Variants in MGST1 observed in about 807,000 individuals in gnomAD.
MGST1 encodes the protein glutathione S-transferase 12.
Under a neutral mutation model 8.9 loss-of-function variants are expected in MGST1, and 5 were observed. The observed-to-expected ratio is 0.56, with a 90% CI of 0.29 to 1.19. The LOEUF is 1.19. Among genes scored for constraint, MGST1 ranks in the 50% most tolerant of loss-of-function variants. MGST1 has a pLI of 0.08. For missense variants in MGST1, 182 were observed against 187.4 expected (o/e 0.97, Z 0.17); for synonymous variants, 54 against 67.8 (o/e 0.80, Z 1.00).
At chr12:16,536,014 A>C (rs1452572564) in intron 4 of MGST1, among the ~76,000 whole-genome samples, 3 of 152,042 alleles carry the variant, frequency 2.0e-5, no homozygotes, top group African/African-American at 7.2e-5. Context: ...GAGGGCTGTC[A>C]ACCATTGGAA....
At chr12:16,558,538 GTATATCCT>G (rs1942274672) in intron 4 of MGST1, among the ~76,000 whole-genome samples, 1 of 152,026 alleles carries the variant, frequency 6.6e-6, no homozygotes, top group South Asian at 2.1e-4. Context: ...GTTTGTGTTT[GTATATCCT>G]TATCCCTACC....
chr12:16,560,005 TA>T lies in MGST1; in HGVS notation n.483-29517del, dbSNP rs1942334668. Among the ~76,000 whole-genome samples, 7 of 152,034 alleles carry T rather than the reference TA, an allele frequency of 4.6e-5. No homozygotes were observed. The South Asian group carries it at 1.5e-3, about 32-fold the overall frequency. On this transcript the variant is annotated intron_variant and non_coding_transcript_variant, in intron 4 of 4. Transcript: ENST00000538857. The surrounding 1 kb of genome is among the most constrained non-coding windows in gnomAD (Gnocchi z 5.0). ...CATGAGGGATAAGGAATTTAAAATATAAAAAATAATAAGAATATAAAATACC... is the reference window on the plus strand; with the variant it reads ...CATGAGGGATAAGGAATTTAAAATATAAAAATAATAAGAATATAAAATACC...
rs146611518 is a variant in MGST1, at chr12:16,410,950, G to A, written n.779-26438G>A. Among the ~76,000 whole-genome samples, 215 of 152,070 alleles carry A rather than the reference G, an allele frequency of 1.4e-3. No individual in the cohort carries two copies. Among genetic ancestry groups the A allele is most frequent in the Middle Eastern group, 3.4e-3 (1 of 294 alleles). ...ATGTTTTGTGTACCTCATATTCCAT[G>A]CTTTTTTCTGACATGGAACCTTTGA... On this transcript the variant is annotated intron_variant and non_coding_transcript_variant, in intron 1 of 1. Transcript: ENST00000359720. This position sits in a 1 kb window ranked among gnomAD's most constrained non-coding sequence, Gnocchi z 4.4.
intron 4 of MGST1, among the ~76,000 whole-genome samples, chr12:16,529,492 A>G (rs568415918): frequency 6.6e-6 from 1 of 152,096 alleles, no homozygotes; most frequent in African/African-American, 2.4e-5. Context: ...ACACAAGTCT[A>G]TCAACAATTT....
At chr12:16,455,275 C>T (rs1352036336) in intron 4 of MGST1, among the ~76,000 whole-genome samples, 2 of 151,858 alleles carry the variant, frequency 1.3e-5, no homozygotes, top group Non-Finnish European at 2.9e-5. Context: ...GCATTAAATT[C>T]TCTCAACAAA....
intron 4 of MGST1, among the ~76,000 whole-genome samples, chr12:16,579,632 G>A (rs1054178494): frequency 6.6e-6 from 1 of 152,172 alleles, no homozygotes; most frequent in African/African-American, 2.4e-5. Context: ...TTTAGTTGAA[G>A]TCTTACTCAG....
intron 1 of MGST1, among the ~76,000 whole-genome samples, chr12:16,394,890 C>T (rs866750377): frequency 7.2e-5 from 11 of 152,006 alleles, no homozygotes; most frequent in African/African-American, 2.2e-4. Context: ...AACAACTGCA[C>T]CTGGCCTTAT....
Position 16,572,339 on chromosome 12 carries a change from C to CTTTT in MGST1, n.483-17170_483-17167dup, listed in dbSNP as rs59773866. Reference sequence around the variant, plus strand: ...TGTTTTCTGCATAGTGGTCCAAACTCTTTTTTTTTTTTTTTTTTTTTTGTA... The same window carrying CTTTT: ...TGTTTTCTGCATAGTGGTCCAAACTCTTTTTTTTTTTTTTTTTTTTTTTTTTGTA... On this transcript the variant is annotated intron_variant and non_coding_transcript_variant, in intron 4 of 4. Coordinates refer to the MGST1 transcript ENST00000538857. Among the ~76,000 whole-genome samples the CTTTT allele has an allele frequency of 3.5e-3, 316 of 89,534 alleles. 1 individual carries two copies. Among genetic ancestry groups the CTTTT allele is most frequent in the Non-Finnish European group, 4.1e-3 (196 of 48,176 alleles). 58.7% of individuals were successfully genotyped at this position (89,534 alleles called of 152,430 possible). A position where few individuals can be genotyped will look rare whatever the true frequency, so the allele number is the denominator to read the frequency against.
chr12:16,535,685 G>T (rs886114569), intron 4 of MGST1, among the ~76,000 whole-genome samples: 1 of 152,130 alleles, frequency 6.6e-6, no homozygotes, highest in Non-Finnish European at 1.5e-5. Flanking sequence ...AATATAAATC[G>T]TGGTCCTCAT....
intron 3 of MGST1, among the ~76,000 whole-genome samples, chr12:16,372,870 G>GATTATATATTACATATTATGTAGTAT (rs1288197511): frequency 7.5e-6 from 1 of 134,098 alleles, no homozygotes; most frequent in Non-Finnish European, 1.6e-5. Context: ...TTATGTATTA[G>GATTATATATTACATATTATGTAGTAT]ATTATATATT....
chr12:16,392,476 G>C (rs1209574842), intron 1 of MGST1, among the ~76,000 whole-genome samples: 1 of 152,070 alleles, frequency 6.6e-6, no homozygotes, highest in Non-Finnish European at 1.5e-5. Context: ...AAACTTTCTG[G>C]AAGAATGTTC....
chr12:16,512,291 A>G lies in MGST1; in HGVS notation n.483-77237A>G, dbSNP rs78670953. Among the ~76,000 whole-genome samples, 1,172 of 152,256 alleles carry G rather than the reference A, an allele frequency of 7.7e-3. 17 individuals carry two copies. Among genetic ancestry groups the G allele is most frequent in the African/African-American group, 0.027 (1,122 of 41,538 alleles). On this transcript the variant is annotated intron_variant and non_coding_transcript_variant, in intron 4 of 4. Coordinates refer to the MGST1 transcript ENST00000538857. Reference sequence around the variant, plus strand: ...CTTGGTAGCAGTAAAAAAAATTCCAATAAACATTGTTTTCATAGGATAATC... The same window carrying G: ...CTTGGTAGCAGTAAAAAAAATTCCAGTAAACATTGTTTTCATAGGATAATC...
chr12:16,476,953 A>C (rs1309129315), intron 4 of MGST1, among the ~76,000 whole-genome samples: 1 of 152,198 alleles, frequency 6.6e-6, no homozygotes, highest in Non-Finnish European at 1.5e-5. Flanking sequence ...TCTTGAGCCA[A>C]TCAGTCTTAA....
chr12:16,392,989 C>T (rs954014855), intron 1 of MGST1, among the ~76,000 whole-genome samples: 1 of 152,116 alleles, frequency 6.6e-6, no homozygotes, highest in Non-Finnish European at 1.5e-5. Flanking sequence ...AGCTCAAGTT[C>T]CCCTTAACCA....
chr12:16,437,556 C>T (rs1259134926), exon 2 of MGST1: 17 of 152,174 alleles, frequency 1.1e-4, no homozygotes, highest in Admixed American at 1.0e-3. Context: ...GACTTCTTCT[C>T]AGCCCGAGGA....
intron 1 of MGST1, among the ~76,000 whole-genome samples, chr12:16,396,404 C>T (rs182956436): frequency 9.2e-5 from 14 of 152,270 alleles, no homozygotes; most frequent in Non-Finnish European, 2.1e-4. Flanking sequence ...CTCAACACTT[C>T]TATTCAATGT....
intron 4 of MGST1, among the ~76,000 whole-genome samples, chr12:16,531,045 AAG>A (rs1184494333): frequency 6.6e-6 from 1 of 151,644 alleles, no homozygotes; most frequent in Non-Finnish European, 1.5e-5. Context: ...GTGCTTGGGA[AAG>A]AGAGGGAGAG....
At chr12:16,381,474 C>A (rs1201311446), downstream of MGST1, among the ~76,000 whole-genome samples, 1 of 152,192 alleles carries the variant, frequency 6.6e-6, no homozygotes, top group Non-Finnish European at 1.5e-5. Context: ...GGTCCCCACT[C>A]TCTTCTGGCT....
At chr12:16,400,157 G>T in intron 1 of MGST1, 1 of 1,276,032 alleles carries the variant, frequency 7.8e-7, no homozygotes, top group Non-Finnish European at 1.1e-6. Flanking sequence ...TCTCGGTCAT[G>T]CATATGTTGA....
Sources: allele counts gnomAD v4.1 joint callset (sites outside exome capture counted in the v4.1 genomes callset), GRCh38; gene constraint gnomAD v4.1.1; non-coding constraint Gnocchi (gnomAD v3.1); transcripts MANE v1.5; gene names NCBI Gene and HGNC (gene_info 2026-07-23, HGNC 2026-07-21).